OPCML: variants seen among roughly 807,000 people sequenced by gnomAD.
OPCML encodes opioid-binding protein/cell adhesion molecule.
OPCML carries 13 observed loss-of-function variants against 37.8 expected under a neutral mutation model. The observed-to-expected ratio is 0.34, with a 90% CI of 0.22 to 0.55. The LOEUF (loss-of-function observed/expected upper bound fraction) is 0.55, where lower values mean the gene tolerates loss of function less well. OPCML is among the 20% of genes least tolerant of loss of function. The pLI, the probability that OPCML is intolerant of heterozygous loss-of-function variation, is 0.91. For synonymous variants in OPCML, 176 were observed against 168.8 expected (o/e 1.04, Z -0.33); for missense variants, 341 against 435.6 (o/e 0.78, Z 1.93).
intron 1 of OPCML, among the ~76,000 whole-genome samples, chr11:132,962,515 G>A (rs149022849): frequency 6.6e-5 from 10 of 152,354 alleles, no homozygotes; most frequent in Middle Eastern, 3.4e-3. Flanking sequence ...AGACTGTCGC[G>A]TGAGAGAACA....
chr11:133,353,449 C>T (rs931778061), intron 1 of OPCML, among the ~76,000 whole-genome samples: 3 of 152,068 alleles, frequency 2.0e-5, no homozygotes, highest in Admixed American at 6.6e-5. Flanking sequence ...CATGAGCCAC[C>T]GTGACCAGCC....
At chr11:133,323,509 C>A (rs1048152807) in intron 1 of OPCML, among the ~76,000 whole-genome samples, 1 of 152,126 alleles carries the variant, frequency 6.6e-6, no homozygotes, top group Non-Finnish European at 1.5e-5. Context: ...GTCCTGACCA[C>A]CAAGGAAGGA....
At chr11:132,701,267 T>G (rs1943803775) in intron 2 of OPCML, among the ~76,000 whole-genome samples, 1 of 152,180 alleles carries the variant, frequency 6.6e-6, no homozygotes, top group Non-Finnish European at 1.5e-5. Flanking sequence ...CTCATGAGAC[T>G]TATTCACAGT....
intron 1 of OPCML, among the ~76,000 whole-genome samples, chr11:133,330,541 A>G (rs1294604665): frequency 2.0e-5 from 3 of 152,182 alleles, no homozygotes; most frequent in Admixed American, 6.5e-5. Context: ...TTGTAGGGAC[A>G]TGGATGAAGC....
intron 1 of OPCML, among the ~76,000 whole-genome samples, chr11:133,082,978 G>T (rs1226730258): frequency 2.0e-5 from 3 of 151,100 alleles, no homozygotes; most frequent in African/African-American, 7.3e-5. Flanking sequence ...TCGTCCGCGC[G>T]GCCGCCAGAG....
intron 2 of OPCML, among the ~76,000 whole-genome samples, chr11:132,909,586 G>C (rs937654912): frequency 6.6e-6 from 1 of 152,186 alleles, no homozygotes; most frequent in Non-Finnish European, 1.5e-5. Flanking sequence ...AACTGACCAG[G>C]CTTCAGTCCG....
intron 2 of OPCML, among the ~76,000 whole-genome samples, chr11:132,838,155 C>A (rs1295285236): frequency 2.6e-5 from 4 of 152,098 alleles, no homozygotes; most frequent in Non-Finnish European, 5.9e-5. Flanking sequence ...AGGTTTCCAG[C>A]AAATACAAAC....
chr11:133,240,858 C>T (rs80187627), intron 1 of OPCML, among the ~76,000 whole-genome samples: 312 of 152,262 alleles, frequency 2.0e-3, no homozygotes, highest in Non-Finnish European at 3.8e-3. Flanking sequence ...ATCTTTTATT[C>T]CTCCAGGTTA....
chr11:132,631,726 T>C (rs12276639), intron 3 of OPCML, among the ~76,000 whole-genome samples: 30,884 of 151,854 alleles, frequency 0.2, 3,247 homozygotes, highest in Middle Eastern at 0.26. Context: ...TTTAACTCTG[T>C]TTACGTTTTT....
At chr11:133,114,928 T>A (rs532912238) in intron 1 of OPCML, among the ~76,000 whole-genome samples, 1 of 152,370 alleles carries the variant, frequency 6.6e-6, no homozygotes, top group East Asian at 1.9e-4. Context: ...ATTTATGTTT[T>A]CTTAAAACTG....
intron 2 of OPCML, among the ~76,000 whole-genome samples, chr11:132,766,608 C>T (rs1946453687): frequency 6.6e-6 from 1 of 152,176 alleles, no homozygotes; most frequent in Non-Finnish European, 1.5e-5. Flanking sequence ...TGTCCACCCT[C>T]ATGACCTGAT....
intron 1 of OPCML, among the ~76,000 whole-genome samples, chr11:133,375,243 T>A (rs1369418211): frequency 1.3e-5 from 2 of 152,232 alleles, no homozygotes; most frequent in Non-Finnish European, 2.9e-5. Context: ...GCATGTCGCG[T>A]ATGTAAGTTT....
intron 1 of OPCML, among the ~76,000 whole-genome samples, chr11:133,433,713 A>G (rs1298621399): frequency 6.6e-6 from 1 of 152,152 alleles, no homozygotes; most frequent in Admixed American, 6.6e-5. Flanking sequence ...TCTTCAACCC[A>G]GCCAGGTAGT....
chr11:133,019,747 GCA>G (rs1947414259), intron 1 of OPCML, among the ~76,000 whole-genome samples: 3 of 152,094 alleles, frequency 2.0e-5, no homozygotes, highest in Admixed American at 2.0e-4. Context: ...ATCCCTATGG[GCA>G]CAGAGTGAAG....
chr11:133,007,904 G>A, intron 1 of OPCML: 2 of 985,432 alleles, frequency 2.0e-6, no homozygotes, highest in South Asian at 9.4e-5. Flanking sequence ...TGGATATGTT[G>A]TCCTGCATTT....
At chr11:133,003,961 G>A in intron 1 of OPCML, 1 of 985,396 alleles carries the variant, frequency 1.0e-6, no homozygotes, top group Non-Finnish European at 1.2e-6. Flanking sequence ...CTGTCCCGTG[G>A]GCAGCAGATC....
chr11:133,451,345 G>A (rs1033350477), intron 1 of OPCML, among the ~76,000 whole-genome samples: 1 of 151,764 alleles, frequency 6.6e-6, no homozygotes, highest in Admixed American at 6.6e-5. Context: ...TGCTGGGTAA[G>A]TTTTCAATAT....
intron 1 of OPCML, chr11:133,025,615 G>GTC: frequency 3.0e-6 from 1 of 331,848 alleles, no homozygotes; most frequent in Non-Finnish European, 4.3e-6. Flanking sequence ...TCAACATGAG[G>GTC]TCTCACTTGT....
chr11:132,832,937 T>G (rs1940784102), intron 2 of OPCML, among the ~76,000 whole-genome samples: 1 of 152,148 alleles, frequency 6.6e-6, no homozygotes, highest in African/African-American at 2.4e-5. Context: ...TTTTTTTAAA[T>G]AATACACCTG....
Sources: allele counts gnomAD v4.1 joint callset (sites outside exome capture counted in the v4.1 genomes callset), GRCh38; gene constraint gnomAD v4.1.1; transcripts MANE v1.5; gene names NCBI Gene and HGNC (gene_info 2026-07-23, HGNC 2026-07-21).